CPNE4: variants seen among roughly 807,000 people sequenced by gnomAD.
CPNE4 encodes copine 4, also known as copine-4.
In CPNE4, 25 loss-of-function variants were observed where a neutral mutation model predicts 67.9. The observed-to-expected ratio is 0.37, with a 90% CI of 0.27 to 0.51. The LOEUF is 0.51. CPNE4 is among the 20% of genes least tolerant of loss of function. CPNE4 has a pLI of 0.93. For missense variants in CPNE4, 464 were observed against 690.8 expected, an observed-to-expected ratio of 0.67 and a Z score of 3.68; for synonymous variants, 242 against 244.9, an observed-to-expected ratio of 0.99 and a Z score of 0.11.
At chr3:131,795,779 ATG>A (rs1184901882) in intron 2 of CPNE4, among the ~76,000 whole-genome samples, 2 of 152,186 alleles carry the variant, frequency 1.3e-5, no homozygotes, top group African/African-American at 2.4e-5. Context: ...TCAGTTGTGA[ATG>A]TGTGTGTTTC....
chr3:131,772,053 G>A (rs1412644830), intron 2 of CPNE4, among the ~76,000 whole-genome samples: 3 of 152,076 alleles, frequency 2.0e-5, no homozygotes, highest in Admixed American at 6.6e-5. Flanking sequence ...GGCAATGAAC[G>A]GAGTGAGGCT....
intron 2 of CPNE4, among the ~76,000 whole-genome samples, chr3:131,890,450 A>G (rs909800622): frequency 6.6e-5 from 10 of 151,788 alleles, no homozygotes; most frequent in African/African-American, 2.2e-4. Context: ...AAAACCTACC[A>G]TTAGTGAGAT....
intron 1 of CPNE4, among the ~76,000 whole-genome samples, chr3:131,931,242 A>C (rs2071051198): frequency 6.6e-6 from 1 of 152,156 alleles, no homozygotes; most frequent in Non-Finnish European, 1.5e-5. Flanking sequence ...CAACCTCAGC[A>C]TACAAATACT....
chr3:131,880,489 A>T (rs1340297458), intron 2 of CPNE4, among the ~76,000 whole-genome samples: 1 of 152,208 alleles, frequency 6.6e-6, no homozygotes, highest in Non-Finnish European at 1.5e-5. Flanking sequence ...ATTGAAAATG[A>T]TGACTTTCCC....
chr3:131,903,843 G>T (rs1466553275), intron 2 of CPNE4, among the ~76,000 whole-genome samples: 2 of 152,048 alleles, frequency 1.3e-5, no homozygotes, highest in Non-Finnish European at 2.9e-5. Flanking sequence ...GTGTCCCCTT[G>T]TTCTTCCCCA....
At chr3:131,535,758 G>A (rs1266909985) in intron 15 of CPNE4, among the ~76,000 whole-genome samples, 3 of 152,188 alleles carry the variant, frequency 2.0e-5, no homozygotes, top group African/African-American at 7.2e-5. Context: ...TATGACACAT[G>A]CTATAGAGCA....
At chr3:131,628,583 T>G (rs575401223) in intron 7 of CPNE4, among the ~76,000 whole-genome samples, 51 of 118,400 alleles carry the variant, frequency 4.3e-4, no homozygotes, top group African/African-American at 1.4e-3. Flanking sequence ...GAGCCTGTTA[T>G]TGGTCTATTC....
At chr3:131,569,688 A>AAGAAAGAAAGAG (rs1937236797) in intron 10 of CPNE4, among the ~76,000 whole-genome samples, 1 of 151,590 alleles carries the variant, frequency 6.6e-6, no homozygotes, top group East Asian at 1.9e-4. Context: ...GAAAGGAAGA[A>AAGAAAGAAAGAG]AGAAAGAAAG....
In CPNE4 at chr3:131,905,369, T is replaced by C; in HGVS notation, c.75A>G (p.Lys25=). The part of the protein sequence containing the change: ...LGIFNSPCLT[K]VELRVACKGI... ...CTTTGCACGCCACACGCAGCTCAACTTTGGTCAGGCAGGGGCTGTTAAAGA... is the reference window on the plus strand; with the variant it reads ...CTTTGCACGCCACACGCAGCTCAACCTTGGTCAGGCAGGGGCTGTTAAAGA... The change falls in exon 2 of 16, where the codon AAA becomes AAG. Residue 25 remains lysine, a synonymous_variant. Transcript: ENST00000429747. 1 of 1,613,512 alleles carries C rather than the reference T, an allele frequency of 6.2e-7. No individual in the cohort carries two copies. Among genetic ancestry groups the C allele is most frequent in the Non-Finnish European group, 8.5e-7 (1 of 1,179,670 alleles).
At chr3:131,718,898 G>A (rs1011536403) in intron 3 of CPNE4, among the ~76,000 whole-genome samples, 1 of 152,176 alleles carries the variant, frequency 6.6e-6, no homozygotes, top group Non-Finnish European at 1.5e-5. Context: ...AGAAATAAAC[G>A]AATGAATGAA....
intron 7 of CPNE4, among the ~76,000 whole-genome samples, chr3:131,593,141 T>C (rs2107710699): frequency 6.6e-6 from 1 of 152,376 alleles, no homozygotes; most frequent in Admixed American, 6.5e-5. Flanking sequence ...TACTTTAAAG[T>C]AAAGAAGGTT....
intron 2 of CPNE4, among the ~76,000 whole-genome samples, chr3:131,836,067 T>C (rs902889322): frequency 6.6e-6 from 1 of 152,198 alleles, no homozygotes; most frequent in Admixed American, 6.5e-5. Context: ...GAGAACTGAA[T>C]GAATTATGGC....
At chr3:131,637,480 T>A (rs1319960100) in intron 7 of CPNE4, among the ~76,000 whole-genome samples, 2 of 151,902 alleles carry the variant, frequency 1.3e-5, no homozygotes, top group African/African-American at 4.8e-5. Flanking sequence ...ATTAACCCAA[T>A]CCAACAAAGA....
chr3:131,942,514 G>GAGAGA (rs1244798502), intron 1 of CPNE4, among the ~76,000 whole-genome samples: 20 of 108,066 alleles, frequency 1.9e-4, no homozygotes, highest in African/African-American at 6.4e-4. Flanking sequence ...GAGAGAGAGA[G>GAGAGA]ATCATTTTAT....
At chr3:131,781,041 T>G (rs2083421426) in intron 2 of CPNE4, among the ~76,000 whole-genome samples, 1 of 151,930 alleles carries the variant, frequency 6.6e-6, no homozygotes, top group African/African-American at 2.4e-5. Context: ...AGGCATCTCC[T>G]CAAAGTTCCA....
At chr3:131,968,809 A>G (rs1280336406) in intron 1 of CPNE4, among the ~76,000 whole-genome samples, 3 of 152,222 alleles carry the variant, frequency 2.0e-5, no homozygotes, top group Non-Finnish European at 4.4e-5. Flanking sequence ...CAATTCCTCC[A>G]GGATCTAGAA....
intron 1 of CPNE4, among the ~76,000 whole-genome samples, chr3:131,919,156 A>T (rs1426691116): frequency 3.3e-5 from 5 of 152,210 alleles, no homozygotes; most frequent in African/African-American, 1.2e-4. Flanking sequence ...ACCTTCAGAT[A>T]GTCAACTGAG....
intron 11 of CPNE4, among the ~76,000 whole-genome samples, chr3:131,562,886 T>C (rs959300688): frequency 2.0e-5 from 3 of 152,088 alleles, no homozygotes; most frequent in Non-Finnish European, 4.4e-5. Context: ...AAAATAACTA[T>C]TGACTTTTTT....
chr3:131,616,839 C>T (rs112781586), intron 7 of CPNE4, among the ~76,000 whole-genome samples: 1,813 of 152,268 alleles, frequency 0.012, 44 homozygotes, highest in African/African-American at 0.041. Flanking sequence ...TCAGCTCTCA[C>T]CACAAAGGAA....
Sources: allele counts gnomAD v4.1 joint callset (sites outside exome capture counted in the v4.1 genomes callset), GRCh38; gene constraint gnomAD v4.1.1; transcripts MANE v1.5; gene names NCBI Gene and HGNC (gene_info 2026-07-23, HGNC 2026-07-21).